Variants in PABPC1L observed in about 807,000 individuals in gnomAD.
PABPC1L encodes the protein poly(A) binding protein cytoplasmic 1 like.
In PABPC1L, 31 loss-of-function variants were observed where a neutral mutation model predicts 66.6. The observed-to-expected ratio is 0.47, with a 90% CI of 0.35 to 0.63. PABPC1L has a LOEUF of 0.63. Ranked by LOEUF, PABPC1L falls within the 20% of genes least tolerant of loss-of-function variation. The pLI is 0.00. For missense variants in PABPC1L, 722 were observed against 848.8 expected (o/e 0.85, Z 1.86); for synonymous variants, 348 against 335.1 (o/e 1.04, Z -0.42).
chr20:44,934,124 T>G (rs1465918584), intron 10 of PABPC1L, among the ~76,000 whole-genome samples: 7 of 152,178 alleles, frequency 4.6e-5, no homozygotes, highest in Admixed American at 4.6e-4. Flanking sequence ...AGTATTGCAG[T>G]GACTATAAAC....
chr20:44,935,359 C>CT (rs754872570), intron 10 of PABPC1L, 32 bp from the exon 11 acceptor site: 4 of 1,556,172 alleles, frequency 2.6e-6, no homozygotes, highest in South Asian at 1.1e-5. Context: ...TTGAACTCTG[C>CT]TTTTTTTGTT....
At chr20:44,930,354 C>T (rs1026257366) in intron 7 of PABPC1L, 106 bp from the exon 8 acceptor site, 49 of 1,423,642 alleles carry the variant, frequency 3.4e-5, no homozygotes, top group South Asian at 5.4e-5. Flanking sequence ...AGCTTTCTCG[C>T]GGGCCTGCCC....
chr20:44,916,992 G>C (rs1170463418), intron 3 of PABPC1L, 121 bp downstream of exon 3: 10 of 896,652 alleles, frequency 1.1e-5, no homozygotes, highest in Admixed American at 2.1e-5. Context: ...GCGGCAGGCA[G>C]CCCTCCTAGA....
chr20:44,916,712 A>G (rs772758167), intron 2 of PABPC1L, 44 bp from the exon 3 acceptor site: 31 of 1,583,654 alleles, frequency 2.0e-5, no homozygotes, highest in Middle Eastern at 1.7e-4. Context: ...TTCTACCTGA[A>G]CCCTCTGTCA....
Position 44,912,793 on chromosome 20 carries a change from C to T in PABPC1L, c.327C>T (p.Ser109=). 1.2e-6 allele frequency: 2 copies of T among 1,614,172 alleles called. No homozygotes were observed. Among genetic ancestry groups the T allele is most frequent in the Non-Finnish European group, 1.7e-6 (2 of 1,180,024 alleles). ...GNIFIKNLED[S]IDNKALYDTF... is the part of the protein sequence containing the mutation. ...TCTTCATCAAGAACCTGGAGGACTC[C>T]ATTGACAACAAGGCTTTATATGATA... The change falls in exon 2 of 15, where the codon TCC becomes TCT. Residue 109 remains serine, a synonymous_variant. Transcript: ENST00000217073.
At chr20:44,930,930 T>C (rs967342594) in intron 8 of PABPC1L, among the ~76,000 whole-genome samples, 4 of 152,220 alleles carry the variant, frequency 2.6e-5, no homozygotes, top group Admixed American at 2.6e-4. Context: ...TCGTGAATGT[T>C]GTGCTGAAAA....
At position 44,938,077 on chromosome 20, in the gene PABPC1L, C is replaced by G. The variant is rs1472701790; in HGVS notation, c.1677C>G (p.Pro559=). 3 of 1,614,058 alleles carry G rather than the reference C, an allele frequency of 1.9e-6. No individual in the cohort carries two copies. Among genetic ancestry groups the G allele is most frequent in the African/African-American group, 2.7e-5 (2 of 74,926 alleles). ...QKQMIGERLY[P]LIHDVHTQLA... ...TCCACACAGGGGAGCGTCTCTACCC[C>G]CTTATCCATGATGTCCACACCCAGC... The change falls in exon 13 of 15, where the codon CCC becomes CCG. Residue 559 remains proline (P), a synonymous_variant. Transcript: ENST00000217073.
In PABPC1L at chr20:44,916,798, C is replaced by T. The variant is rs1270325118; in HGVS notation, c.430C>T (p.His144Tyr). Residue 144 changes from histidine (H) to tyrosine (Y), a missense_variant, in exon 3 of 15, where the codon CAT becomes TAT. Around this residue, in one of 3 missense-constraint regions of PABPC1L, gnomAD observed 284 missense variants for 294.8 expected, o/e 0.96. Coordinates refer to ENST00000217073, the MANE Select transcript of PABPC1L (RefSeq NM_001372179.1). ...EHGSRGFGFV[H>Y]FETHEAAQQA... ...TGGCTCCCGGGGTTTCGGCTTTGTC[C>T]ATTTTGAGACCCATGAGGCCGCACA... 6.2e-7 allele frequency: 1 copy of T among 1,614,170 alleles called. No individual in the cohort carries two copies. Among genetic ancestry groups the T allele is most frequent in the East Asian group, 2.2e-5 (1 of 44,868 alleles).
At chr20:44,936,099 G>C (rs987777849) in intron 11 of PABPC1L, among the ~76,000 whole-genome samples, 28 of 151,908 alleles carry the variant, frequency 1.8e-4, no homozygotes, top group African/African-American at 5.8e-4. Flanking sequence ...CAGCCTCCAA[G>C]TACAGGCATG....
intron 7 of PABPC1L, among the ~76,000 whole-genome samples, chr20:44,928,866 A>C: frequency 2.1e-5 from 1 of 47,290 alleles, no homozygotes; most frequent in Admixed American, 3.1e-4. Context: ...TCCTGACTCA[A>C]AAAAAAAAAA....
intron 10 of PABPC1L, among the ~76,000 whole-genome samples, chr20:44,933,554 T>C (rs563313021): frequency 6.6e-6 from 1 of 151,958 alleles, no homozygotes; most frequent in East Asian, 1.9e-4. Context: ...CAAGCGATTG[T>C]CCTGCCTCAG....
Position 44,912,762 on chromosome 20 carries a change from G to T in PABPC1L, c.296G>T (p.Gly99Val), listed in dbSNP as rs748205679. The T allele has an allele frequency of 6.2e-7, 1 of 1,614,128 alleles. No individual in the cohort carries two copies. Among genetic ancestry groups the T allele is most frequent in the Non-Finnish European group, 8.5e-7 (1 of 1,179,996 alleles). ...RDPGLRKSGV[G>V]NIFIKNLEDS... ...CCAGGACTTCGCAAGTCAGGTGTGG[G>T]CAACATCTTCATCAAGAACCTGGAG... Residue 99 changes from glycine to valine, a missense_variant, in exon 2 of 15, where the codon GGC becomes GTC. By Grantham distance (109) the Gly-to-Val change is moderately radical (BLOSUM62 -3). Coordinates refer to ENST00000217073, the MANE Select transcript of PABPC1L (RefSeq NM_001372179.1).
At chr20:44,919,957 G>A (rs2066761757) in intron 5 of PABPC1L, among the ~76,000 whole-genome samples, 2 of 152,150 alleles carry the variant, frequency 1.3e-5, no homozygotes, top group Non-Finnish European at 2.9e-5. Context: ...ATGTGTAGTT[G>A]CAGTTAGAAC....
intron 7 of PABPC1L, among the ~76,000 whole-genome samples, chr20:44,924,650 G>A (rs1053789748): frequency 1.1e-4 from 16 of 152,180 alleles, no homozygotes; most frequent in African/African-American, 3.4e-4. Context: ...GCTGGACTTC[G>A]TCATTCTTCA....
At position 44,932,397 on chromosome 20, in the gene PABPC1L, C is replaced by T. The variant is rs1780827514; in HGVS notation, c.1295C>T (p.Ala432Val). 7 of 1,613,628 alleles carry T rather than the reference C, an allele frequency of 4.3e-6. No homozygotes were observed. Among genetic ancestry groups the T allele is most frequent in the Non-Finnish European group, 5.1e-6 (6 of 1,179,708 alleles). ...GGCCCAGTGACACCCACCCAGCCTG[C>T]CCCCAGGTGGACATCCCAGCCACCT... ...GCGPVTPTQPAPRWTSQPPRP... is the reference protein window; with the variant it reads ...GCGPVTPTQPVPRWTSQPPRP... Residue 432 changes from alanine (A) to valine (V), a missense_variant, in exon 9 of 15, where the codon GCC (alanine) becomes GTC (valine). Around this residue, in one of 3 missense-constraint regions of PABPC1L, gnomAD observed 301 missense variants for 337.2 expected, o/e 0.89. Coordinates refer to ENST00000217073, the MANE Select transcript of PABPC1L (RefSeq NM_001372179.1).
rs1489887750 is a variant in PABPC1L at position 44,912,685 on chromosome 20, C to T, written c.219C>T (p.Asn73=). The change falls in exon 2 of 15, where the codon AAC becomes AAT. Residue 73 remains asparagine, a synonymous_variant. Coordinates refer to ENST00000217073, the MANE Select transcript of PABPC1L (RefSeq NM_001372179.1). ...CGGAGCGGGCACTGGACACAATGAA[C>T]TTTGAGATGCTCAAAGGCCAGCCTA... is the stretch of plus-strand genomic sequence containing the variant. The part of the protein sequence containing the change: ...ADAERALDTM[N]FEMLKGQPIR... 6 of 1,613,902 alleles carry T rather than the reference C, an allele frequency of 3.7e-6. No individual in the cohort carries two copies. The highest frequency in any genetic ancestry group is 5.1e-6 in the Non-Finnish European group (6 of 1,179,796).
chr20:44,929,997 A>G (rs1568648956), intron 7 of PABPC1L, among the ~76,000 whole-genome samples: 1 of 152,116 alleles, frequency 6.6e-6, no homozygotes, highest in East Asian at 1.9e-4. Flanking sequence ...AGTCCTGGCT[A>G]ACGTATGAAC....
chr20:44,938,380 C>G (rs1601129953), intron 13 of PABPC1L, among the ~76,000 whole-genome samples, 189 bp downstream of exon 13: 1 of 152,192 alleles, frequency 6.6e-6, no homozygotes, highest in African/African-American at 2.4e-5. Flanking sequence ...TTCAGCCCTT[C>G]CGTAGACTAA....
intron 7 of PABPC1L, among the ~76,000 whole-genome samples, chr20:44,929,659 G>C (rs747810250): frequency 3.3e-5 from 5 of 152,016 alleles, no homozygotes; most frequent in African/African-American, 1.2e-4. Context: ...GCCAGGTGTG[G>C]TGGCACACGC....
Sources: allele counts gnomAD v4.1 joint callset (sites outside exome capture counted in the v4.1 genomes callset), GRCh38; gene constraint gnomAD v4.1.1; regional missense constraint gnomAD v4.1.1; transcripts MANE v1.5; gene names NCBI Gene and HGNC (gene_info 2026-07-23, HGNC 2026-07-21).